HYCC1: variants seen among roughly 807,000 people sequenced by gnomAD.
The protein encoded by HYCC1 is hyccin PI4KA lipid kinase complex subunit 1.
the HYCC1 span, among the ~76,000 whole-genome samples, chr7:22,921,062 G>A: frequency 2.6e-5 from 4 of 152,060 alleles, no homozygotes; most frequent in Non-Finnish European, 5.9e-5. Flanking sequence ...CATGCTACCT[G>A]TACAGCCTGC....
the HYCC1 span, among the ~76,000 whole-genome samples, chr7:23,002,162 A>ATATATACATACAAT: frequency 8.5e-5 from 3 of 35,486 alleles, no homozygotes; most frequent in Non-Finnish European, 1.5e-4. Flanking sequence ...ATATATATAT[A>ATATATACATACAAT]TATATATATA....
chr7:22,912,540 A>C, the HYCC1 span, among the ~76,000 whole-genome samples: 8 of 152,212 alleles, frequency 5.3e-5, no homozygotes, highest in African/African-American at 1.9e-4. Flanking sequence ...CCAAGCTGGG[A>C]TAACCCCAGT....
chr7:22,909,215 T>G, the HYCC1 span, among the ~76,000 whole-genome samples: 8 of 152,108 alleles, frequency 5.3e-5, no homozygotes, highest in Admixed American at 2.6e-4. Flanking sequence ...GGCTTGGTGC[T>G]CTCCTCATGA....
the HYCC1 span, among the ~76,000 whole-genome samples, chr7:22,970,853 G>A: frequency 6.6e-6 from 1 of 152,216 alleles, no homozygotes; most frequent in Non-Finnish European, 1.5e-5. Context: ...TGTTCATCAC[G>A]GCTATGTCCT....
chr7:22,988,873 AG>A, the HYCC1 span, among the ~76,000 whole-genome samples: 9 of 152,278 alleles, frequency 5.9e-5, no homozygotes, highest in South Asian at 1.9e-3. Context: ...CCACCTCTGC[AG>A]CCCTTCACCC....
At chr7:23,008,121 C>T in the HYCC1 span, among the ~76,000 whole-genome samples, 10 of 152,124 alleles carry the variant, frequency 6.6e-5, no homozygotes, top group East Asian at 1.9e-4. Context: ...AAATCATTCA[C>T]GCGCTTTACA....
chr7:23,001,029 G>T, the HYCC1 span, among the ~76,000 whole-genome samples: 3 of 151,016 alleles, frequency 2.0e-5, no homozygotes, highest in African/African-American at 7.3e-5. Flanking sequence ...AAATGTATTT[G>T]ACCATGGGAT....
At chr7:22,944,949 T>C in the HYCC1 span, 1 of 152,578 alleles carries the variant, frequency 6.6e-6, no homozygotes, top group Non-Finnish European at 1.5e-5. Context: ...TCATATAATA[T>C]TCTAGGCACT....
At chr7:22,976,133 A>G in the HYCC1 span, 2 of 920,316 alleles carry the variant, frequency 2.2e-6, no homozygotes, top group Non-Finnish European at 3.6e-6. Flanking sequence ...CAAAACAAAA[A>G]TAACTTAGGT....
chr7:22,931,373 A>C, the HYCC1 span, among the ~76,000 whole-genome samples: 1 of 152,026 alleles, frequency 6.6e-6, no homozygotes, highest in Non-Finnish European at 1.5e-5. Flanking sequence ...TGAGAGAATA[A>C]ATTTCTGTTG....
the HYCC1 span, among the ~76,000 whole-genome samples, chr7:23,013,414 G>A: frequency 6.6e-6 from 1 of 152,366 alleles, no homozygotes; most frequent in Non-Finnish European, 1.5e-5. Context: ...GACCATTGTG[G>A]CCACCAGACC....
chr7:22,917,354 T>C, the HYCC1 span, among the ~76,000 whole-genome samples: 1 of 152,228 alleles, frequency 6.6e-6, no homozygotes, highest in Non-Finnish European at 1.5e-5. Context: ...GAATCTCTCA[T>C]TTCCTTTCCA....
At chr7:22,931,386 T>G in the HYCC1 span, among the ~76,000 whole-genome samples, 1 of 152,126 alleles carries the variant, frequency 6.6e-6, no homozygotes, top group African/African-American at 2.4e-5. Context: ...TTCTGTTGTT[T>G]TAAGCCACAG....
At chr7:22,926,092 A>G in the HYCC1 span, among the ~76,000 whole-genome samples, 1 of 152,212 alleles carries the variant, frequency 6.6e-6, no homozygotes, top group East Asian at 1.9e-4. Flanking sequence ...AAGCTTCATA[A>G]GTGAAGGAGA....
chr7:22,945,424 C>T, the HYCC1 span: 7 of 626,812 alleles, frequency 1.1e-5, 1 homozygote, highest in South Asian at 9.7e-5. Context: ...TTTCAACTTA[C>T]TGCAACCTAG....
At chr7:22,952,504 TGA>T in the HYCC1 span, among the ~76,000 whole-genome samples, 1 of 151,860 alleles carries the variant, frequency 6.6e-6, no homozygotes, top group Non-Finnish European at 1.5e-5. Context: ...TGAACCAGGG[TGA>T]GAGTGGTCTT....
At chr7:22,993,493 C>G in the HYCC1 span, among the ~76,000 whole-genome samples, 29 of 152,094 alleles carry the variant, frequency 1.9e-4, no homozygotes, top group Admixed American at 1.8e-3. Context: ...ATCTGCAATT[C>G]ATATACATGG....
chr7:22,932,530 A>G, the HYCC1 span, among the ~76,000 whole-genome samples: 1 of 152,154 alleles, frequency 6.6e-6, no homozygotes, highest in Non-Finnish European at 1.5e-5. Flanking sequence ...TTGGAAGCAG[A>G]TACCTTATTT....
chr7:22,906,533 G>A, the HYCC1 span, among the ~76,000 whole-genome samples: 19 of 150,920 alleles, frequency 1.3e-4, no homozygotes, highest in East Asian at 3.9e-4. Flanking sequence ...AGCCAAGATC[G>A]CGCCACTGCA....
Sources: allele counts gnomAD v4.1 joint callset (sites outside exome capture counted in the v4.1 genomes callset), GRCh38; gene constraint gnomAD v4.1.1; transcripts MANE v1.5; gene names NCBI Gene and HGNC (gene_info 2026-07-23, HGNC 2026-07-21).